The following LAMA2 variants were observed in gnomAD, a reference collection of about 807,000 sequenced individuals.
The protein encoded by LAMA2 is laminin subunit alpha 2, also known as laminin subunit alpha-2.
LAMA2 carries 269 observed loss-of-function variants against 364.8 expected under a neutral mutation model. The ratio of observed to expected loss-of-function variants is 0.74; its 90% CI spans 0.67 to 0.82. The LOEUF is 0.82. LAMA2 is among the 40% of genes least tolerant of loss of function. The probability of loss-of-function intolerance (pLI) is 0.00; values close to 1 mark genes in which losing one functional copy is unlikely to be tolerated. For synonymous variants in LAMA2, 1,379 were observed against 1,370.6 expected (o/e 1.01, Z -0.14); for missense variants, 3,807 against 3,873.2 (o/e 0.98, Z 0.45).
intron 58 of LAMA2, among the ~76,000 whole-genome samples, chr6:129,498,631 A>G (rs1407665115): frequency 6.6e-6 from 1 of 152,204 alleles, no homozygotes; most frequent in East Asian, 1.9e-4. Flanking sequence ...ATCATGACAA[A>G]TAAGCACCAG....
intron 12 of LAMA2, among the ~76,000 whole-genome samples, chr6:129,226,844 C>A (rs1339059531): frequency 6.6e-6 from 1 of 152,080 alleles, no homozygotes; most frequent in Non-Finnish European, 1.5e-5. Flanking sequence ...ATCTTTGTGG[C>A]ATTCTCTGTG....
chr6:129,049,965 A>G lies in LAMA2; in HGVS notation c.160A>G (p.Thr54Ala). 6.2e-7 allele frequency: 1 copy of G among 1,613,892 alleles called. No homozygotes were observed. Among genetic ancestry groups the G allele is most frequent in the Non-Finnish European group, 8.5e-7 (1 of 1,179,876 alleles). The change falls in exon 2 of 65, where the codon ACC (threonine) becomes GCC (alanine). Residue 54 changes from threonine to alanine, a missense_variant. Around this residue, in one of 3 missense-constraint regions of LAMA2, gnomAD observed 394 missense variants for 403.5 expected, o/e 0.98. Coordinates refer to ENST00000421865, the MANE Select transcript of LAMA2 (RefSeq NM_000426.4). ...LNLASNALIT[T>A]NATCGEKGPE... is the part of the protein sequence containing the mutation. ...TCTTGCTTCTAATGCTCTTATCACG[A>G]CCAATGCAACATGTGGAGAAAAAGG...
At chr6:129,505,776 C>G (rs980562112) in intron 61 of LAMA2, among the ~76,000 whole-genome samples, 1 of 151,972 alleles carries the variant, frequency 6.6e-6, no homozygotes, top group Non-Finnish European at 1.5e-5. Flanking sequence ...TCATGATCCG[C>G]CTGCCTCGGC....
chr6:129,469,950 G>A (rs1390014211), intron 51 of LAMA2, among the ~76,000 whole-genome samples: 3 of 151,746 alleles, frequency 2.0e-5, no homozygotes, highest in African/African-American at 7.2e-5. Context: ...GTATATGTAC[G>A]AAAAGGCAAA....
At chr6:129,050,654 A>T (rs1053552913) in intron 2 of LAMA2, among the ~76,000 whole-genome samples, 2 of 152,164 alleles carry the variant, frequency 1.3e-5, no homozygotes, top group African/African-American at 4.8e-5. Flanking sequence ...AGGGAGGGGA[A>T]GAGGAGAAGT....
At chr6:129,126,377 T>C (rs1777116130) in intron 4 of LAMA2, among the ~76,000 whole-genome samples, 1 of 152,218 alleles carries the variant, frequency 6.6e-6, no homozygotes, top group Non-Finnish European at 1.5e-5. Context: ...TGACTAACTA[T>C]ATTTTTCAGT....
In LAMA2 at chr6:129,177,762, C is replaced by G; in HGVS notation, c.1363C>G (p.Arg455Gly). Residue 455 changes from arginine to glycine, a missense_variant, in exon 10 of 65, where the codon CGG (arginine) becomes GGG (glycine). Physicochemically the swap from Arg to Gly is moderately radical, Grantham distance 125. Coordinates refer to ENST00000421865, the MANE Select transcript of LAMA2 (RefSeq NM_000426.4). ...KTGFGGVSCDRCARGYTGYPD... is the reference protein window; with the variant it reads ...KTGFGGVSCDGCARGYTGYPD... ...TGGTTTTGGAGGTGTGAGCTGTGATCGGTGTGCCAGGGGCTACACTGGCTA... is the reference window on the plus strand; with the variant it reads ...TGGTTTTGGAGGTGTGAGCTGTGATGGGTGTGCCAGGGGCTACACTGGCTA... The G allele has an allele frequency of 1.9e-6, 3 of 1,613,910 alleles. No individual in the cohort carries two copies. Among genetic ancestry groups the G allele is most frequent in the Non-Finnish European group, 2.5e-6 (3 of 1,179,940 alleles).
At chr6:129,121,504 T>G (rs118053441) in intron 4 of LAMA2, among the ~76,000 whole-genome samples, 1,916 of 152,286 alleles carry the variant, frequency 0.013, 23 homozygotes, top group Non-Finnish European at 0.016. Flanking sequence ...TTTTCAATGG[T>G]GTGTCTGCTA....
At chr6:129,260,184 C>T (rs1354185195) in intron 14 of LAMA2, among the ~76,000 whole-genome samples, 1 of 152,126 alleles carries the variant, frequency 6.6e-6, no homozygotes, top group African/African-American at 2.4e-5. Flanking sequence ...CATTCTAAGT[C>T]AGTCAACTGA....
intron 29 of LAMA2, among the ~76,000 whole-genome samples, chr6:129,336,891 A>G (rs185697084): frequency 5.3e-4 from 80 of 152,368 alleles, no homozygotes; most frequent in Non-Finnish European, 1.1e-3. Flanking sequence ...TCTATCAAAT[A>G]TTCAGATAAT....
intron 62 of LAMA2, among the ~76,000 whole-genome samples, chr6:129,511,301 C>G (rs771692529): frequency 2.6e-5 from 4 of 152,116 alleles, no homozygotes; most frequent in African/African-American, 4.8e-5. Flanking sequence ...CTCAGCCGAA[C>G]TTCCTCATGT....
At chr6:129,210,150 C>T (rs868675561) in intron 12 of LAMA2, among the ~76,000 whole-genome samples, 1 of 151,952 alleles carries the variant, frequency 6.6e-6, no homozygotes, top group South Asian at 2.1e-4. Flanking sequence ...TTTATGACTA[C>T]TTTTTTAAAT....
At position 129,342,506 on chromosome 6, in the gene LAMA2, A is replaced by G. The variant is rs757958616; in HGVS notation, c.4436+39A>G. On this transcript the variant is annotated intron_variant, in intron 30 of 64. Coordinates refer to ENST00000421865, the MANE Select transcript of LAMA2 (RefSeq NM_000426.4). ...ATATAACCATATTTCCCAATCAGAAACGCCATCTGTCTAGCACATGGGCTG... is the reference window on the plus strand; with the variant it reads ...ATATAACCATATTTCCCAATCAGAAGCGCCATCTGTCTAGCACATGGGCTG... The G allele has an allele frequency of 7.5e-6, 12 of 1,604,754 alleles. No individual in the cohort carries two copies. The East Asian group carries it at 2.7e-4, about 36-fold the overall frequency.
chr6:129,165,454 G>A (rs1157393077), intron 8 of LAMA2, 122 bp from the exon 9 acceptor site: 2 of 635,908 alleles, frequency 3.1e-6, no homozygotes, highest in Non-Finnish European at 5.6e-6. Flanking sequence ...AATTCTTATA[G>A]TTTTCTCAAT....
chr6:129,314,898 T>G (rs1774482521), intron 24 of LAMA2, 100 bp downstream of exon 24: 1 of 1,210,276 alleles, frequency 8.3e-7, no homozygotes, highest in Admixed American at 1.7e-5. Context: ...GCAAAACATT[T>G]AAGTAACCTT....
rs1489627763 is a variant in LAMA2, at chr6:128,995,467, G to A, written c.113-54451G>A. ...CTCCATAGTAGCTGGGATTACAGGT[G>A]CCTGCCACCACGCCTGGATAACTTT... On this transcript the variant is annotated intron_variant, in intron 1 of 64. Coordinates refer to ENST00000421865, the MANE Select transcript of LAMA2 (RefSeq NM_000426.4). 2.6e-5 allele frequency among the ~76,000 whole-genome samples: 4 copies of A among 152,166 alleles called. 1 individual carries two copies. The highest frequency in any genetic ancestry group is 4.1e-4 in the South Asian group (2 of 4,828).
At chr6:129,469,225 T>G (rs1051722578) in intron 51 of LAMA2, among the ~76,000 whole-genome samples, 1 of 151,868 alleles carries the variant, frequency 6.6e-6, no homozygotes, top group African/African-American at 2.4e-5. Flanking sequence ...TAATTTCAAT[T>G]TAAGTATATT....
At chr6:128,896,060 T>C (rs1405814398) in intron 1 of LAMA2, among the ~76,000 whole-genome samples, 2 of 152,186 alleles carry the variant, frequency 1.3e-5, no homozygotes, top group Non-Finnish European at 2.9e-5. Flanking sequence ...CATACTGCTC[T>C]GATTTCAGAT....
intron 1 of LAMA2, among the ~76,000 whole-genome samples, chr6:128,959,141 C>T (rs1174020996): frequency 6.6e-6 from 1 of 152,090 alleles, no homozygotes; most frequent in Non-Finnish European, 1.5e-5. Context: ...AAAAATTAGT[C>T]TTAGTTTACT....
Sources: allele counts gnomAD v4.1 joint callset (sites outside exome capture counted in the v4.1 genomes callset), GRCh38; gene constraint gnomAD v4.1.1; regional missense constraint gnomAD v4.1.1; transcripts MANE v1.5; gene names NCBI Gene and HGNC (gene_info 2026-07-23, HGNC 2026-07-21).